HS6ST1: variants seen among roughly 807,000 people sequenced by gnomAD.
HS6ST1 encodes heparan-sulfate 6-O-sulfotransferase 1.
Under a neutral mutation model 25.2 loss-of-function variants are expected in HS6ST1, and 3 were observed. That is an observed-to-expected ratio of 0.12 (90% CI 0.05 to 0.31). The LOEUF is 0.31. HS6ST1 is among the 10% of genes least tolerant of loss of function. The probability of loss-of-function intolerance (pLI) is 1.00; values close to 1 mark genes in which losing one functional copy is unlikely to be tolerated. For synonymous variants in HS6ST1, 204 were observed against 275.1 expected, an observed-to-expected ratio of 0.74 and a Z score of 2.56; for missense variants, 310 against 609.6, an observed-to-expected ratio of 0.51 and a Z score of 5.18.
chr2:128,284,046 C>T (rs1005688449), intron 1 of HS6ST1, among the ~76,000 whole-genome samples: 1 of 152,192 alleles, frequency 6.6e-6, no homozygotes, highest in African/African-American at 2.4e-5. Context: ...CTGAGTCAGA[C>T]CCACGGGGCA....
intron 1 of HS6ST1, among the ~76,000 whole-genome samples, chr2:128,271,173 C>T (rs1174794335): frequency 6.6e-6 from 1 of 152,232 alleles, no homozygotes; most frequent in African/African-American, 2.4e-5. Context: ...CTGCCCTGTG[C>T]CTGGTTAGCA....
intron 1 of HS6ST1, among the ~76,000 whole-genome samples, chr2:128,280,324 A>AC (rs1693766249): frequency 6.6e-6 from 1 of 152,232 alleles, no homozygotes; most frequent in Non-Finnish European, 1.5e-5. Context: ...CTCCAGGGCC[A>AC]CAAGGCCGGG....
chr2:128,294,967 C>T (rs1239761262), intron 1 of HS6ST1, among the ~76,000 whole-genome samples: 3 of 152,080 alleles, frequency 2.0e-5, no homozygotes, highest in African/African-American at 2.4e-5. Context: ...GCTCAGTGGG[C>T]CCCATGACCT....
intron 1 of HS6ST1, among the ~76,000 whole-genome samples, chr2:128,314,913 G>A (rs752827923): frequency 6.6e-5 from 10 of 152,214 alleles, no homozygotes; most frequent in Non-Finnish European, 1.3e-4. Context: ...CTGTTCTTGC[G>A]TTGCCTTCAG....
At chr2:128,273,160 T>C (rs1012249475) in intron 1 of HS6ST1, among the ~76,000 whole-genome samples, 1 of 152,152 alleles carries the variant, frequency 6.6e-6, no homozygotes, top group African/African-American at 2.4e-5. Flanking sequence ...CTCTGCGTCT[T>C]GTAATAAAAT....
chr2:128,285,374 G>A (rs561001656), intron 1 of HS6ST1, among the ~76,000 whole-genome samples: 5 of 152,290 alleles, frequency 3.3e-5, no homozygotes, highest in South Asian at 2.1e-4. Flanking sequence ...CTAGCCTGCC[G>A]TGGTGGCAGG....
intron 1 of HS6ST1, among the ~76,000 whole-genome samples, chr2:128,282,140 T>C (rs1020612846): frequency 6.6e-6 from 1 of 152,344 alleles, no homozygotes; most frequent in African/African-American, 2.4e-5. Context: ...GCCCAAACCA[T>C]GGCCAGGGTG....
intron 1 of HS6ST1, among the ~76,000 whole-genome samples, chr2:128,304,110 C>T (rs962838444): frequency 7.2e-5 from 11 of 152,324 alleles, no homozygotes; most frequent in East Asian, 5.8e-4. Context: ...TAAGCCTGCT[C>T]GCTGGCTTCC....
chr2:128,287,752 T>C (rs1255241635), intron 1 of HS6ST1, among the ~76,000 whole-genome samples: 1 of 152,180 alleles, frequency 6.6e-6, no homozygotes, highest in East Asian at 1.9e-4. Flanking sequence ...ACACCTGGAA[T>C]GGGGCTCTGC....
intron 1 of HS6ST1, among the ~76,000 whole-genome samples, chr2:128,276,678 C>T (rs1010325388): frequency 3.9e-5 from 6 of 152,156 alleles, no homozygotes; most frequent in Non-Finnish European, 8.8e-5. Context: ...GGAAGAAAGA[C>T]AAATTGAGAC....
intron 1 of HS6ST1, among the ~76,000 whole-genome samples, chr2:128,296,643 G>C (rs1694043095): frequency 1.3e-5 from 2 of 152,014 alleles, no homozygotes; most frequent in Non-Finnish European, 2.9e-5. Context: ...AAAATATTTA[G>C]GAGGAGACTT....
rs1471887632 is a variant in HS6ST1 at position 128,267,726 on chromosome 2, G to A, written c.*436C>T. 1 of 199,688 alleles carries A rather than the reference G, an allele frequency of 5.0e-6. No individual in the cohort carries two copies. The highest frequency in any genetic ancestry group is 1.1e-4 in the South Asian group (1 of 9,134). The allele number at this position is 199,688 out of a possible 1,614,324, so 12.4% of individuals were successfully genotyped here. ...GAGCTGGGGCAGTTGCCAGAAGCTG[G>A]TCTCACTCCTAGTAGCCCGGACAGA... On this transcript the variant is annotated 3_prime_UTR_variant, in exon 2 of 2. Transcript: ENST00000259241.
chr2:128,314,279 AAC>A (rs1694330960), intron 1 of HS6ST1, among the ~76,000 whole-genome samples: 1 of 152,178 alleles, frequency 6.6e-6, no homozygotes. Flanking sequence ...GTTCTCAGGG[AAC>A]ACCATGACAC....
intron 1 of HS6ST1, among the ~76,000 whole-genome samples, chr2:128,275,932 G>A (rs955869001): frequency 3.9e-5 from 6 of 152,088 alleles, no homozygotes; most frequent in African/African-American, 1.4e-4. Flanking sequence ...CCACGGTGGC[G>A]TGCTCACCTC....
intron 1 of HS6ST1, among the ~76,000 whole-genome samples, chr2:128,314,606 G>C (rs1694334641): frequency 6.6e-6 from 1 of 152,190 alleles, no homozygotes; most frequent in Non-Finnish European, 1.5e-5. Flanking sequence ...CGGATTTCTG[G>C]AGTCTGAGAA....
At chr2:128,270,047 C>G (rs968734575) in intron 1 of HS6ST1, among the ~76,000 whole-genome samples, 1 of 152,206 alleles carries the variant, frequency 6.6e-6, no homozygotes, top group Non-Finnish European at 1.5e-5. Context: ...AGGCCACCCC[C>G]GCCTATGAGG....
intron 1 of HS6ST1, among the ~76,000 whole-genome samples, chr2:128,293,981 G>A (rs762846208): frequency 8.5e-5 from 13 of 152,316 alleles, no homozygotes; most frequent in African/African-American, 1.4e-4. Flanking sequence ...CTGAGACCAC[G>A]CTGCAGGGAC....
rs934377877 is a variant in HS6ST1 at position 128,280,420 on chromosome 2, C to T, written c.528-11550G>A. ...GGATTGGGAGACAGCCCAGAGGAGA[C>T]GACCCGCTCCCAGGAGGCACAGGCA... On this transcript the variant is annotated intron_variant, in intron 1 of 1. Transcript: ENST00000259241. Among the ~76,000 whole-genome samples the T allele has an allele frequency of 3.9e-5, 6 of 152,180 alleles. No individual in the cohort carries two copies. In the East Asian group the frequency reaches 7.7e-4, roughly 20 times the overall value.
intron 1 of HS6ST1, among the ~76,000 whole-genome samples, chr2:128,284,213 G>A (rs529096410): frequency 2.0e-5 from 3 of 152,264 alleles, no homozygotes; most frequent in African/African-American, 7.2e-5. Flanking sequence ...CAGGGCAGGG[G>A]CACCCAGCTT....
Sources: gnomAD v4.1 joint callset for allele counts (sites outside exome capture counted in the v4.1 genomes callset) on GRCh38, gnomAD v4.1.1 for gene constraint, MANE v1.5 for transcripts, NCBI Gene and HGNC (gene_info 2026-07-23, HGNC 2026-07-21) for gene names.